PDE8B: variants seen among roughly 807,000 people sequenced by gnomAD.
PDE8B encodes high affinity cAMP-specific and IBMX-insensitive 3',5'-cyclic phosphodiesterase 8B.
Under a neutral mutation model 101.3 loss-of-function variants are expected in PDE8B, and 26 were observed. The observed-to-expected ratio is 0.26, with a 90% confidence interval of 0.19 to 0.36. The LOEUF is 0.36. Ranked by LOEUF, PDE8B falls within the 10% of genes least tolerant of loss-of-function variation. The pLI is 1.00. For missense variants in PDE8B, 810 were observed against 1,163.1 expected, an observed-to-expected ratio of 0.70 and a Z score of 4.42; for synonymous variants, 424 against 429.3, an observed-to-expected ratio of 0.99 and a Z score of 0.15.
the PDE8B span, among the ~76,000 whole-genome samples, chr5:77,135,412 A>G: frequency 6.6e-6 from 1 of 151,750 alleles, no homozygotes; most frequent in East Asian, 1.9e-4. Context: ...GTTTGAATTC[A>G]TTGTGCTGGA....
chr5:77,216,981 T>G (rs113546402), intron 1 of PDE8B, among the ~76,000 whole-genome samples: 1 of 152,214 alleles, frequency 6.6e-6, no homozygotes, highest in Non-Finnish European at 1.5e-5. Context: ...AAAATTGTGA[T>G]GGGCAGTTTG....
the PDE8B span, chr5:77,118,477 C>T: frequency 2.5e-6 from 1 of 398,120 alleles, no homozygotes; most frequent in Non-Finnish European, 4.4e-6. Context: ...AAAGATGGTG[C>T]CCACCACATG....
chr5:77,244,535 G>T (rs943523513), intron 1 of PDE8B, among the ~76,000 whole-genome samples: 2 of 152,018 alleles, frequency 1.3e-5, no homozygotes, highest in African/African-American at 4.8e-5. Context: ...GTTGGGAGTG[G>T]CCCAGCAGGC....
intron 1 of PDE8B, among the ~76,000 whole-genome samples, chr5:77,261,992 A>C (rs1409046000): frequency 2.0e-5 from 3 of 152,312 alleles, no homozygotes; most frequent in Non-Finnish European, 4.4e-5. Flanking sequence ...CTCCAGGGTA[A>C]AATAAATTGG....
intron 2 of PDE8B, among the ~76,000 whole-genome samples, chr5:77,320,101 A>T (rs1475383080): frequency 1.3e-5 from 2 of 152,184 alleles, no homozygotes; most frequent in Non-Finnish European, 2.9e-5. Flanking sequence ...CATAATTTTT[A>T]CCATTATTTA....
chr5:77,271,690 G>A (rs1762833171), intron 1 of PDE8B, among the ~76,000 whole-genome samples: 1 of 152,140 alleles, frequency 6.6e-6, no homozygotes, highest in African/African-American at 2.4e-5. Context: ...GGAAGTGAAA[G>A]GGAAGACACA....
At chr5:77,291,561 T>G in intron 1 of PDE8B, 1 of 1,600,124 alleles carries the variant, frequency 6.2e-7, no homozygotes, top group Non-Finnish European at 8.6e-7. Context: ...AAGTAGCAAC[T>G]TTACCAAAGA....
the PDE8B span, among the ~76,000 whole-genome samples, chr5:77,137,180 G>A: frequency 2.0e-5 from 3 of 152,172 alleles, no homozygotes; most frequent in Non-Finnish European, 2.9e-5. Flanking sequence ...GAGAGATAAG[G>A]TCTTTTCTCC....
the PDE8B span, among the ~76,000 whole-genome samples, chr5:77,175,764 T>C: frequency 2.6e-5 from 4 of 152,256 alleles, no homozygotes; most frequent in African/African-American, 7.2e-5. Flanking sequence ...GTTGAGTGAA[T>C]GAATGAATAT....
At chr5:77,328,279 C>G (rs183708622) in intron 3 of PDE8B, among the ~76,000 whole-genome samples, 2 of 151,916 alleles carry the variant, frequency 1.3e-5, no homozygotes, top group East Asian at 3.9e-4. Context: ...CATGGCACAG[C>G]TAAGAAGTTT....
chr5:77,385,970 G>A (rs1316784497), intron 10 of PDE8B, among the ~76,000 whole-genome samples: 4 of 151,958 alleles, frequency 2.6e-5, no homozygotes, highest in African/African-American at 9.7e-5. Context: ...TGTATTTTTA[G>A]TAGAGACGGG....
intron 1 of PDE8B, among the ~76,000 whole-genome samples, chr5:77,304,386 A>C (rs1440278225): frequency 3.3e-5 from 5 of 151,956 alleles, no homozygotes; most frequent in Admixed American, 3.3e-4. Context: ...CTGTCTTCTT[A>C]CTGATGTTTA....
At chr5:77,245,276 A>G (rs1034461399) in intron 1 of PDE8B, among the ~76,000 whole-genome samples, 4 of 152,246 alleles carry the variant, frequency 2.6e-5, no homozygotes, top group Non-Finnish European at 4.4e-5. Flanking sequence ...ACAATGGTTT[A>G]AAAAATGAAG....
At chr5:77,359,255 G>A (rs562680540) in intron 10 of PDE8B, among the ~76,000 whole-genome samples, 8 of 152,352 alleles carry the variant, frequency 5.3e-5, no homozygotes, top group Admixed American at 5.2e-4. Flanking sequence ...GGCTGCTGGA[G>A]GTGATCATGC....
At chr5:77,184,919 G>A in the PDE8B span, among the ~76,000 whole-genome samples, 1 of 152,166 alleles carries the variant, frequency 6.6e-6, no homozygotes, top group African/African-American at 2.4e-5. Flanking sequence ...CAGGTTAGCA[G>A]AGTGCCCTGC....
At chr5:77,272,489 C>G (rs1273676036) in intron 1 of PDE8B, among the ~76,000 whole-genome samples, 2 of 152,166 alleles carry the variant, frequency 1.3e-5, no homozygotes, top group African/African-American at 4.8e-5. Flanking sequence ...TTTATTTCTT[C>G]TTTGTCTGAC....
chr5:77,268,588 C>T (rs565168154), intron 1 of PDE8B, among the ~76,000 whole-genome samples: 154 of 151,798 alleles, frequency 1.0e-3, no homozygotes, highest in Non-Finnish European at 1.8e-3. Flanking sequence ...TTTTAGCTCC[C>T]ACAAATAAGT....
chr5:77,176,787 T>C, the PDE8B span, among the ~76,000 whole-genome samples: 1 of 152,130 alleles, frequency 6.6e-6, no homozygotes, highest in Non-Finnish European at 1.5e-5. Context: ...AGGAATCAGA[T>C]TTGGAAGGGA....
chr5:77,195,972 G>A, the PDE8B span, among the ~76,000 whole-genome samples: 1 of 152,334 alleles, frequency 6.6e-6, no homozygotes, highest in South Asian at 2.1e-4. Flanking sequence ...AAGGTCAACT[G>A]TAGTTTTCAA....
Sources: allele counts gnomAD v4.1 joint callset (sites outside exome capture counted in the v4.1 genomes callset), GRCh38; gene constraint gnomAD v4.1.1; transcripts MANE v1.5; gene names NCBI Gene and HGNC (gene_info 2026-07-23, HGNC 2026-07-21).